The following EYS variants were observed in gnomAD, a reference collection of about 807,000 sequenced individuals.
The protein encoded by EYS is EGF-like photoreceptor maintenance factor, also known as protein eyes shut homolog.
EYS carries 250 observed loss-of-function variants against 282.1 expected under a neutral mutation model. That is an observed-to-expected ratio of 0.89 (90% confidence interval 0.80 to 0.98). EYS has a LOEUF of 0.98. EYS is among the 50% of genes least tolerant of loss of function. EYS has a pLI of 0.00. For synonymous variants in EYS, 1,355 were observed against 1,282.9 expected, an observed-to-expected ratio of 1.06 and a Z score of -1.20; for missense variants, 4,016 against 3,709.0, an observed-to-expected ratio of 1.08 and a Z score of -2.15.
chr6:63,854,432 A>G (rs2149705006), intron 36 of EYS, among the ~76,000 whole-genome samples: 2 of 152,220 alleles, frequency 1.3e-5, no homozygotes. Flanking sequence ...GGAGGGGAAC[A>G]TTACACACCG....
At chr6:65,223,636 T>A (rs185513041) in intron 12 of EYS, among the ~76,000 whole-genome samples, 24 of 152,288 alleles carry the variant, frequency 1.6e-4, no homozygotes, top group African/African-American at 5.1e-4. Context: ...GAATATTGCC[T>A]AGAAGTATTC....
chr6:64,606,977 A>C (rs677716), intron 24 of EYS, among the ~76,000 whole-genome samples: 2 of 151,804 alleles, frequency 1.3e-5, no homozygotes, highest in Non-Finnish European at 2.9e-5. Context: ...CTACGCATTA[A>C]CTCTTTTCTT....
intron 21 of EYS, among the ~76,000 whole-genome samples, chr6:64,820,796 A>C (rs1240347255): frequency 6.6e-6 from 1 of 152,076 alleles, no homozygotes; most frequent in Non-Finnish European, 1.5e-5. Context: ...TAACTACTCC[A>C]TCACCCCTCT....
intron 36 of EYS, among the ~76,000 whole-genome samples, chr6:63,825,185 C>T (rs1036072807): frequency 2.0e-5 from 3 of 152,098 alleles, no homozygotes; most frequent in Non-Finnish European, 4.4e-5. Flanking sequence ...CACAATCCTC[C>T]TAGGTACACA....
chr6:65,083,853 A>C (rs1443915056), intron 12 of EYS, among the ~76,000 whole-genome samples: 1 of 151,766 alleles, frequency 6.6e-6, no homozygotes, highest in African/African-American at 2.4e-5. Context: ...TCCTAGTATT[A>C]ATCTGAAGGT....
intron 26 of EYS, among the ~76,000 whole-genome samples, chr6:64,499,967 T>C (rs908016360): frequency 2.6e-5 from 4 of 152,058 alleles, no homozygotes; most frequent in African/African-American, 9.7e-5. Flanking sequence ...GATGGGGACA[T>C]TACTACAAGT....
chr6:65,394,122 G>A (rs73741567), intron 7 of EYS, among the ~76,000 whole-genome samples: 1,696 of 151,896 alleles, frequency 0.011, 37 homozygotes, highest in African/African-American at 0.039. Flanking sequence ...TTTATTTCCT[G>A]GCTCATTTCC....
chr6:64,254,315 G>A (rs963108209), intron 30 of EYS, among the ~76,000 whole-genome samples: 1 of 152,042 alleles, frequency 6.6e-6, no homozygotes, highest in Non-Finnish European at 1.5e-5. Flanking sequence ...TAACAAAAAG[G>A]TGCATGCTGT....
chr6:64,483,900 T>A (rs890065473), intron 26 of EYS, among the ~76,000 whole-genome samples: 2 of 151,726 alleles, frequency 1.3e-5, no homozygotes, highest in African/African-American at 4.8e-5. Context: ...GTCTTATTCA[T>A]GACACATAGA....
intron 2 of EYS, among the ~76,000 whole-genome samples, chr6:65,618,150 C>T (rs1424774121): frequency 6.6e-5 from 10 of 152,142 alleles, no homozygotes; most frequent in Admixed American, 1.3e-4. Flanking sequence ...AATGGTTGAA[C>T]TAGTTTACAG....
chr6:64,588,032 G>C (rs993408995), intron 26 of EYS, among the ~76,000 whole-genome samples: 1 of 152,144 alleles, frequency 6.6e-6, no homozygotes, highest in South Asian at 2.1e-4. Flanking sequence ...AGTCTGGAAA[G>C]AAGATTAATT....
At chr6:65,609,008 A>G (rs1765898871) in intron 2 of EYS, among the ~76,000 whole-genome samples, 1 of 152,112 alleles carries the variant, frequency 6.6e-6, no homozygotes, top group South Asian at 2.1e-4. Context: ...TTTTTTAATA[A>G]GTAGAAAGAA....
chr6:64,025,327 G>A (rs756149886), intron 33 of EYS, among the ~76,000 whole-genome samples: 19 of 152,050 alleles, frequency 1.2e-4, no homozygotes, highest in Non-Finnish European at 2.6e-4. Context: ...GTGCAGCTCC[G>A]AGGTCCCAAC....
At chr6:64,454,633 T>C (rs751704107) in intron 26 of EYS, among the ~76,000 whole-genome samples, 15 of 152,136 alleles carry the variant, frequency 9.9e-5, no homozygotes, top group Non-Finnish European at 2.1e-4. Context: ...ATACTTGTGG[T>C]ATAATAAATC....
At chr6:64,911,281 C>T (rs1349313030) in intron 16 of EYS, among the ~76,000 whole-genome samples, 1 of 151,966 alleles carries the variant, frequency 6.6e-6, no homozygotes, top group Admixed American at 6.6e-5. Context: ...CTTGTTTTTC[C>T]TGTCTCATTC....
chr6:64,011,425 C>T (rs1160660483), intron 33 of EYS, among the ~76,000 whole-genome samples: 1 of 152,096 alleles, frequency 6.6e-6, no homozygotes, highest in Non-Finnish European at 1.5e-5. Context: ...GTTAACCAAG[C>T]CATTTGGAAG....
chr6:65,016,571 A>C (rs1212581062), intron 13 of EYS, among the ~76,000 whole-genome samples: 1 of 152,204 alleles, frequency 6.6e-6, no homozygotes, highest in Non-Finnish European at 1.5e-5. Flanking sequence ...CTTTCTGTGC[A>C]AGAGGCATCA....
chr6:63,726,844 TTTTA>T (rs1768633792), intron 41 of EYS, among the ~76,000 whole-genome samples, 164 bp from the exon 42 acceptor site: 1 of 152,220 alleles, frequency 6.6e-6, no homozygotes, highest in East Asian at 1.9e-4. Flanking sequence ...TGTGAGTCTG[TTTTA>T]ATTCCACTAA....
chr6:64,904,865 G>C (rs923199011), intron 16 of EYS, among the ~76,000 whole-genome samples: 2 of 152,132 alleles, frequency 1.3e-5, no homozygotes, highest in African/African-American at 4.8e-5. Flanking sequence ...ATGGAGTTTT[G>C]TTACCAGCTA....
Sources: gnomAD v4.1 joint callset for allele counts (sites outside exome capture counted in the v4.1 genomes callset) on GRCh38, gnomAD v4.1.1 for gene constraint, MANE v1.5 for transcripts, NCBI Gene and HGNC (gene_info 2026-07-23, HGNC 2026-07-21) for gene names.